The following EDEM1 variants were observed in gnomAD, a reference collection of about 807,000 sequenced individuals.
The protein encoded by EDEM1 is ER degradation-enhancing alpha-mannosidase-like protein 1.
In EDEM1, 67 loss-of-function variants were observed where a neutral mutation model predicts 74.4. The observed-to-expected ratio is 0.90, with a 90% CI of 0.74 to 1.10. The LOEUF (loss-of-function observed/expected upper bound fraction) is 1.10. Ranked by LOEUF, EDEM1 falls within the 50% of genes least tolerant of loss-of-function variation. The probability of loss-of-function intolerance (pLI) is 0.00; values close to 1 mark genes in which losing one functional copy is unlikely to be tolerated. For missense variants in EDEM1, 926 were observed against 851.6 expected (o/e 1.09, Z -1.09); for synonymous variants, 382 against 335.9 (o/e 1.14, Z -1.50).
At chr3:5,197,064 C>CTT (rs34982467) in intron 2 of EDEM1, among the ~76,000 whole-genome samples, 1 of 115,622 alleles carries the variant, frequency 8.6e-6, no homozygotes, top group African/African-American at 3.2e-5. Flanking sequence ...GAGTAGCTGG[C>CTT]TTTTTTTTTT....
Position 5,187,973 on chromosome 3 carries a change from C to G in EDEM1, c.168C>G (p.Thr56=), listed in dbSNP as rs1404301525. The stretch of plus-strand genomic sequence containing the variant: ...GCCCCGACGGCCCCGCGTCGCCCAC[C>G]TCGGGGCCCGTGGGCCGGCCTGGGG... ...LRSPDGPASP[T]SGPVGRPGGV... is the part of the protein sequence containing the mutation. The change falls in exon 1 of 12, where the codon ACC becomes ACG. Residue 56 remains threonine, a synonymous_variant. Coordinates refer to ENST00000256497, the MANE Select transcript of EDEM1 (RefSeq NM_014674.3). The G allele has an allele frequency of 1.3e-6, 2 of 1,549,020 alleles. No individual in the cohort carries two copies. The highest frequency in any genetic ancestry group is 1.4e-5 in the African/African-American group (1 of 71,440).
chr3:5,205,361 A>G, intron 6 of EDEM1, 120 bp downstream of exon 6: 2 of 991,774 alleles, frequency 2.0e-6, no homozygotes, highest in South Asian at 3.4e-5. Context: ...TCACCTTACC[A>G]CCTCTCCTAG....
In EDEM1 at chr3:5,207,271, CA is replaced by C; in HGVS notation, c.1337del (p.Gln446ArgfsTer3). 6.2e-7 allele frequency: 1 copy of C among 1,613,812 alleles called. No individual in the cohort carries two copies. Among genetic ancestry groups the C allele is most frequent in the East Asian group, 2.2e-5 (1 of 44,872 alleles). ...DSLQAFFPGL[Q>X]VLIGDVEDAI... ...TCTGCAGGCCTTTTTCCCTGGACTG[CA>C]GGTATTTTGCCATCAGATTTCCTAA... On this transcript the variant is annotated frameshift_variant and splice_region_variant, in exon 7 of 12. Transcript: ENST00000256497. LOFTEE classifies it high-confidence loss of function.
rs749170402 is a variant in EDEM1, at chr3:5,205,041, C to T, written c.1043-26C>T. The stretch of plus-strand genomic sequence containing the variant: ...TCCTCCCCGATGAGACAGCTGGGAC[C>T]TCAAGTGCCTTGTTTATTTTTGCAG... On this transcript the variant is annotated intron_variant, in intron 5 of 11. Transcript: ENST00000256497. 2.5e-6 allele frequency: 4 copies of T among 1,610,866 alleles called. No individual in the cohort carries two copies. The African/African-American group carries it at 4.0e-5, about 16-fold the overall frequency.
At chr3:5,213,570 T>G in intron 11 of EDEM1, 48 bp downstream of exon 11, 8 of 1,510,306 alleles carry the variant, frequency 5.3e-6, no homozygotes, top group Non-Finnish European at 7.2e-6. Flanking sequence ...GAAGAGAAGA[T>G]ACTATGAATT....
intron 3 of EDEM1, 141 bp downstream of exon 3, chr3:5,199,836 A>T: frequency 1.7e-6 from 1 of 572,980 alleles, no homozygotes; most frequent in Non-Finnish European, 3.0e-6. Flanking sequence ...TGCATTTTTC[A>T]TGTTCATATC....
intron 3 of EDEM1, 123 bp downstream of exon 3, chr3:5,199,818 G>C (rs1398585410): frequency 8.0e-6 from 5 of 628,498 alleles, no homozygotes; most frequent in Non-Finnish European, 1.1e-5. Flanking sequence ...GGCTTTATGG[G>C]TGCAGTGTGC....
rs2055271062 is a variant in EDEM1 at position 5,218,615 on chromosome 3, T to A, written c.*2697T>A. 3.3e-5 allele frequency: 5 copies of A among 152,248 alleles called. No individual in the cohort carries two copies. The South Asian group carries it at 1.0e-3, about 32-fold the overall frequency. 9.4% of individuals were successfully genotyped at this position (152,248 alleles called of 1,614,324 possible). On this transcript the variant is annotated 3_prime_UTR_variant, in exon 12 of 12. Transcript: ENST00000256497. ...AGTGTCTAGTGTCAGCTTTGCTCAG[T>A]GTGGTGGAAACATTTTGCAGAACTG...
intron 10 of EDEM1, among the ~76,000 whole-genome samples, chr3:5,212,435 A>C (rs1021374314): frequency 6.6e-6 from 1 of 152,304 alleles, no homozygotes; most frequent in Admixed American, 6.5e-5. Context: ...TCCAGCAGCC[A>C]CTGGTGTCAG....
In EDEM1 at chr3:5,213,945, T is replaced by C. The variant is rs114906610; in HGVS notation, c.1884+423T>C. Among the ~76,000 whole-genome samples, 1,095 of 152,236 alleles carry C rather than the reference T, an allele frequency of 7.2e-3. 14 individuals are homozygous for C. Among genetic ancestry groups the C allele is most frequent in the African/African-American group, 0.026 (1,075 of 41,540 alleles). ...GCAGAAGCTGGAGGCCGAGGGAGCC[T>C]GTTGATATGATCCATCAGTGGACCT... is the stretch of plus-strand genomic sequence containing the variant. On this transcript the variant is annotated intron_variant, in intron 11 of 11. Coordinates refer to ENST00000256497, the MANE Select transcript of EDEM1 (RefSeq NM_014674.3).
chr3:5,205,189 C>T lies in EDEM1; in HGVS notation c.1165C>T (p.Leu389=), dbSNP rs867053622. 2 of 1,614,056 alleles carry T rather than the reference C, an allele frequency of 1.2e-6. No individual in the cohort carries two copies. The highest frequency in any genetic ancestry group is 1.7e-6 in the Non-Finnish European group (2 of 1,180,038). Residue 389 remains leucine (L), a synonymous_variant, in exon 6 of 12, where the codon CTA becomes TTA. Transcript: ENST00000256497. ...CATTCTCTTTGGAGAAAAAGAAGAC[C>T]TAGAAATGTTTAATGCTGCATATCA... ...SYILFGEKED[L]EMFNAAYQSI...
Position 5,192,870 on chromosome 3 carries a change from G to T in EDEM1, c.510-2339G>T, listed in dbSNP as rs142608075. On this transcript the variant is annotated intron_variant, in intron 1 of 11. Coordinates refer to ENST00000256497, the MANE Select transcript of EDEM1 (RefSeq NM_014674.3). ...AGTAAATACCCCAGATCTTAGAGAG[G>T]ATTTGTCTGACTAGAGTGGAGAGAA... 8.9e-3 allele frequency among the ~76,000 whole-genome samples: 1,359 copies of T among 151,938 alleles called. 21 individuals are homozygous for T. Among genetic ancestry groups the T allele is most frequent in the African/African-American group, 0.031 (1,276 of 41,436 alleles).
At chr3:5,195,163 C>G (rs1269860543) in intron 1 of EDEM1, 46 bp from the exon 2 acceptor site, 1 of 1,193,464 alleles carries the variant, frequency 8.4e-7, no homozygotes, top group Non-Finnish European at 1.1e-6. Flanking sequence ...ATTGTCTTCT[C>G]TTTTGAAATA....
At chr3:5,199,828 C>T in intron 3 of EDEM1, 133 bp downstream of exon 3, 2 of 587,790 alleles carry the variant, frequency 3.4e-6, no homozygotes, top group Non-Finnish European at 5.8e-6. Context: ...GTGCAGTGTG[C>T]ATTTTTCATG....
rs1356711048 is a variant in EDEM1 at position 5,207,179 on chromosome 3, G to A, written c.1244G>A (p.Gly415Glu). The stretch of plus-strand genomic sequence containing the variant: ...CGGGAAGCCTGCAATGAAGGAGAAG[G>A]AGACCCTCCACTCTATGTCAACGTG... ...RGREACNEGE[G>E]DPPLYVNVNM... Residue 415 changes from glycine to glutamate, a missense_variant, in exon 7 of 12, where the codon GGA (glycine) becomes GAA (glutamate). Physicochemically the swap from Gly to Glu is moderately conservative, Grantham distance 98. Coordinates refer to ENST00000256497, the MANE Select transcript of EDEM1 (RefSeq NM_014674.3). 8.1e-6 allele frequency: 13 copies of A among 1,614,138 alleles called. No homozygotes were observed. Among genetic ancestry groups the A allele is most frequent in the Non-Finnish European group, 1.1e-5 (13 of 1,180,026 alleles).
Position 5,215,982 on chromosome 3 carries a change from G to A in EDEM1, c.*64G>A. On this transcript the variant is annotated 3_prime_UTR_variant, in exon 12 of 12. Transcript: ENST00000256497. ...ACGACCAAACCCAGACCATGCCAAA[G>A]TCCAGTCTGAAATGAAAGGGGACAG... The A allele has an allele frequency of 1.4e-6, 2 of 1,402,498 alleles. No homozygotes were observed. Among genetic ancestry groups the A allele is most frequent in the Non-Finnish European group, 2.0e-6 (2 of 1,006,690 alleles). 86.9% of individuals were successfully genotyped at this position (1,402,498 alleles called of 1,614,324 possible).
Position 5,217,780 on chromosome 3 carries a change from C to T in EDEM1, c.*1862C>T, listed in dbSNP as rs1575594962. On this transcript the variant is annotated 3_prime_UTR_variant, in exon 12 of 12. Coordinates refer to ENST00000256497, the MANE Select transcript of EDEM1 (RefSeq NM_014674.3). ...TATATTTTAAATGTTTTCACTGACT[C>T]ATTGAAAATGTTAATTACACACACA... 1 of 152,256 alleles carries T rather than the reference C, an allele frequency of 6.6e-6. No individual in the cohort carries two copies. Among genetic ancestry groups the T allele is most frequent in the East Asian group, 1.9e-4 (1 of 5,192 alleles). The allele number at this position is 152,256 out of a possible 1,614,324, so 9.4% of individuals were successfully genotyped here.
intron 1 of EDEM1, among the ~76,000 whole-genome samples, chr3:5,192,024 A>G (rs1412172041): frequency 2.0e-5 from 3 of 152,238 alleles, no homozygotes; most frequent in South Asian, 4.1e-4. Flanking sequence ...TCAAATGCTT[A>G]GGTACTACTA....
At chr3:5,203,295 T>G in intron 5 of EDEM1, 146 bp downstream of exon 5, 1 of 840,994 alleles carries the variant, frequency 1.2e-6, no homozygotes, top group Non-Finnish European at 1.7e-6. Flanking sequence ...TTTCTTTATG[T>G]GACCCTTTGC....
Sources: allele counts gnomAD v4.1 joint callset (sites outside exome capture counted in the v4.1 genomes callset), GRCh38; gene constraint gnomAD v4.1.1; transcripts MANE v1.5; gene names NCBI Gene and HGNC (gene_info 2026-07-23, HGNC 2026-07-21).